The following MLPH variants were observed in gnomAD, a reference collection of about 807,000 sequenced individuals.
The protein encoded by MLPH is exophilin-3.
MLPH carries 51 observed loss-of-function variants against 72.1 expected under a neutral mutation model. That is an observed-to-expected ratio of 0.71 (90% CI 0.56 to 0.89). MLPH has a LOEUF of 0.89. Ranked by LOEUF, MLPH falls within the 40% of genes least tolerant of loss-of-function variation. The pLI is 0.00. For missense variants in MLPH, 743 were observed against 759.9 expected (o/e 0.98, Z 0.26); for synonymous variants, 301 against 310.1 (o/e 0.97, Z 0.31).
chr2:237,516,985 G>T (rs552889064), intron 4 of MLPH, among the ~76,000 whole-genome samples: 1 of 138,280 alleles, frequency 7.2e-6, no homozygotes, highest in Non-Finnish European at 1.5e-5. Flanking sequence ...GGGCAGCTAA[G>T]GTGGTAGGTG....
chr2:237,514,944 G>C (rs1028608126), intron 4 of MLPH, among the ~76,000 whole-genome samples: 31 of 152,328 alleles, frequency 2.0e-4, no homozygotes, highest in Non-Finnish European at 1.2e-4. Context: ...GCAGCTTCAG[G>C]CAGGACAGGC....
At chr2:237,499,714 T>A (rs899364588) in intron 2 of MLPH, among the ~76,000 whole-genome samples, 1 of 152,230 alleles carries the variant, frequency 6.6e-6, no homozygotes, top group Non-Finnish European at 1.5e-5. Flanking sequence ...AAAAGCAAGT[T>A]GTGAAAATGT....
chr2:237,548,925 G>C (rs1446763097), intron 13 of MLPH, among the ~76,000 whole-genome samples: 1 of 152,170 alleles, frequency 6.6e-6, no homozygotes. Context: ...ACAGTGGTAA[G>C]GGGGAGTGCT....
rs1401163152 is a variant in MLPH at position 237,505,643 on chromosome 2, G to A, written c.111-4931G>A. Among the ~76,000 whole-genome samples, 3 of 152,206 alleles carry A rather than the reference G, an allele frequency of 2.0e-5. No homozygotes were observed. Among genetic ancestry groups the A allele is most frequent in the East Asian group, 3.8e-4 (2 of 5,196 alleles). ...TTCACCCCAAGAGGGGCAGAGCAGG[G>A]CACAGGTCTGACCCCTTCACCCTGC... On this transcript the variant is annotated intron_variant, in intron 2 of 15. Coordinates refer to ENST00000264605, the MANE Select transcript of MLPH (RefSeq NM_024101.7). This position sits in a 1 kb window ranked among gnomAD's most constrained non-coding sequence, Gnocchi z 4.5.
chr2:237,501,059 A>G (rs1473445716), intron 2 of MLPH, among the ~76,000 whole-genome samples: 1 of 149,816 alleles, frequency 6.7e-6, no homozygotes, highest in Admixed American at 6.7e-5. Context: ...CGCCCTCCTC[A>G]CCCCTGCTCA....
chr2:237,527,772 T>G (rs2080335750), intron 8 of MLPH: 1 of 526,026 alleles, frequency 1.9e-6, no homozygotes. Context: ...ACAATTCCAC[T>G]TCTTGGTATA....
chr2:237,552,332 C>T lies in MLPH; in HGVS notation c.1676-5C>T, dbSNP rs771986292. The T allele has an allele frequency of 1.9e-6, 3 of 1,613,636 alleles. No homozygotes were observed. In the South Asian group the frequency reaches 3.3e-5, roughly 18 times the overall value. On this transcript the variant is annotated splice_polypyrimidine_tract_variant and splice_region_variant and intron_variant, in intron 14 of 15. Transcript: ENST00000264605. ...GCACCATCCCTCTTCCTGTTTTCCC[C>T]AAAGGTAAAGATGATGATTCTTTTG...
chr2:237,486,541 C>G (rs2079322257), upstream of MLPH: 1 of 152,266 alleles, frequency 6.6e-6, no homozygotes, highest in South Asian at 2.1e-4. Flanking sequence ...CGCAGCGGCG[C>G]GGAGCTCCCA....
At chr2:237,527,953 A>C (rs2080339178) in intron 8 of MLPH, among the ~76,000 whole-genome samples, 1 of 152,278 alleles carries the variant, frequency 6.6e-6, no homozygotes, top group African/African-American at 2.4e-5. Context: ...ACCCCTAAAA[A>C]GGAAAGAAAC....
rs774443793 is a variant in MLPH, at chr2:237,510,996, A to G, written c.340A>G (p.Lys114Glu). The part of the protein sequence containing the change: ...CDPCHLARVV[K>E]IGSLEWYYEH... ...CTGTGCTTGTCCCTGCAGAGTCGTG[A>G]AGATCGGCTCACTGGAGTGGTACTA... Residue 114 changes from lysine (K) to glutamate (E), a missense_variant, in exon 4 of 16, where the codon AAG becomes GAG. Physicochemically the swap from Lys to Glu is moderately conservative, Grantham distance 56. Transcript: ENST00000264605. This position sits in a 1 kb window ranked among gnomAD's most constrained non-coding sequence, Gnocchi z 4.4. 6.2e-7 allele frequency: 1 copy of G among 1,613,548 alleles called. No individual in the cohort carries two copies. The highest frequency in any genetic ancestry group is 2.2e-5 in the East Asian group (1 of 44,814).
chr2:237,553,491 C>A, intron 15 of MLPH, 75 bp from the exon 16 acceptor site: 1 of 1,358,014 alleles, frequency 7.4e-7, no homozygotes, highest in Non-Finnish European at 1.0e-6. Flanking sequence ...TTTGTATGTG[C>A]ATGCCCATGT....
rs141194017 is a variant in MLPH, at chr2:237,512,101, C to T, written c.445+1000C>T. Among the ~76,000 whole-genome samples the T allele has an allele frequency of 2.8e-4, 43 of 152,340 alleles. No individual in the cohort carries two copies. Among genetic ancestry groups the T allele is most frequent in the African/African-American group, 9.1e-4 (38 of 41,584 alleles). Reference sequence around the variant, plus strand: ...GAGTTTCTCCAGGGCCACGAGGCAGCGCCTGGCTCCGGCAGCTGGGCACGT... The same window carrying T: ...GAGTTTCTCCAGGGCCACGAGGCAGTGCCTGGCTCCGGCAGCTGGGCACGT... On this transcript the variant is annotated intron_variant, in intron 4 of 15. Coordinates refer to ENST00000264605, the MANE Select transcript of MLPH (RefSeq NM_024101.7). This position sits in a 1 kb window ranked among gnomAD's most constrained non-coding sequence, Gnocchi z 5.5.
At chr2:237,486,491 C>T (rs12475226), upstream of MLPH, 1 of 152,314 alleles carries the variant, frequency 6.6e-6, no homozygotes, top group Non-Finnish European at 1.5e-5. Context: ...GCGGGCCCCG[C>T]TGAGCACCCA....
chr2:237,518,431 TG>T, intron 4 of MLPH, 107 bp from the exon 5 acceptor site: 1 of 859,860 alleles, frequency 1.2e-6, no homozygotes, highest in Non-Finnish European at 1.9e-6. Flanking sequence ...GAGGGAGGGA[TG>T]GGCAGGTAGA....
In MLPH at chr2:237,505,972, TGGGAGCTCACTTTCTC is replaced by T. The variant is rs11272933; in HGVS notation, c.111-4599_111-4584del. The stretch of plus-strand genomic sequence containing the variant: ...CCCGTCTCCAGGGCTCTGTCTCCCC[TGGGAGCTCACTTTCTC>T]GGCCTTTGCCATCATCTCCCCACTG... On this transcript the variant is annotated intron_variant, in intron 2 of 15. Coordinates refer to ENST00000264605, the MANE Select transcript of MLPH (RefSeq NM_024101.7). This position sits in a 1 kb window ranked among gnomAD's most constrained non-coding sequence, Gnocchi z 4.5. Among the ~76,000 whole-genome samples, 20,662 of 152,208 alleles carry T rather than the reference TGGGAGCTCACTTTCTC, an allele frequency of 0.14. 4,655 individuals carry two copies. The highest frequency in any genetic ancestry group is 0.47 in the African/African-American group (19,431 of 41,458).
chr2:237,531,781 T>C (rs2080425029), intron 8 of MLPH, among the ~76,000 whole-genome samples: 1 of 151,972 alleles, frequency 6.6e-6, no homozygotes, highest in Admixed American at 6.6e-5. Flanking sequence ...TTCAAACAAA[T>C]GGGGCCCAAA....
At chr2:237,552,199 A>G in intron 14 of MLPH, 138 bp from the exon 15 acceptor site, 1 of 673,580 alleles carries the variant, frequency 1.5e-6, no homozygotes, top group South Asian at 1.7e-5. Context: ...TTTTTAAAAA[A>G]TATGTGATGT....
In MLPH at chr2:237,545,486, C is replaced by T. The variant is rs543375161; in HGVS notation, c.1540-1120C>T. 31 of 1,288,276 alleles carry T rather than the reference C, an allele frequency of 2.4e-5. No homozygotes were observed. The African/African-American group carries it at 3.6e-4, about 15-fold the overall frequency. The allele number at this position is 1,288,276 out of a possible 1,614,324, so 79.8% of individuals were successfully genotyped here. On this transcript the variant is annotated intron_variant, in intron 12 of 15. Coordinates refer to ENST00000264605, the MANE Select transcript of MLPH (RefSeq NM_024101.7). ...TTTATGAGGGGACTCTGAGCCTCTG[C>T]TCTGAGGATCTGAAACACACACACC...
chr2:237,550,998 C>T (rs544178424), intron 14 of MLPH, among the ~76,000 whole-genome samples: 3 of 152,348 alleles, frequency 2.0e-5, no homozygotes, highest in Non-Finnish European at 4.4e-5. Context: ...CCCCCTGAAG[C>T]TCACAGGAAT....
Sources: gnomAD v4.1 joint callset for allele counts (sites outside exome capture counted in the v4.1 genomes callset) on GRCh38, gnomAD v4.1.1 for gene constraint, Gnocchi (gnomAD v3.1) non-coding constraint, MANE v1.5 for transcripts, NCBI Gene and HGNC (gene_info 2026-07-23, HGNC 2026-07-21) for gene names.